Variants in BEGAIN observed in about 807,000 individuals in gnomAD.
BEGAIN encodes brain enriched guanylate kinase associated, also known as brain-enriched guanylate kinase-associated protein.
Under a neutral mutation model 35.8 loss-of-function variants are expected in BEGAIN, and 19 were observed. The observed-to-expected ratio is 0.53, with a 90% CI of 0.37 to 0.78. BEGAIN has a LOEUF of 0.78. Among genes scored for constraint, BEGAIN ranks in the 30% least tolerant of loss-of-function variants. BEGAIN has a pLI of 0.00. For missense variants in BEGAIN, 795 were observed against 853.6 expected (o/e 0.93, Z 0.85); for synonymous variants, 462 against 388.6 (o/e 1.19, Z -2.22).
chr14:100,582,578 A>G (rs2035343909), intron 1 of BEGAIN, among the ~76,000 whole-genome samples: 2 of 152,154 alleles, frequency 1.3e-5, no homozygotes, highest in South Asian at 4.1e-4. Flanking sequence ...AAGGGCAGCC[A>G]TGGTCTTGAT....
Position 100,586,282 on chromosome 14 carries a change from G to A in BEGAIN, c.42+967C>T, listed in dbSNP as rs2035442822. Among the ~76,000 whole-genome samples, 1 of 152,194 alleles carries A rather than the reference G, an allele frequency of 6.6e-6. No individual in the cohort carries two copies. Among genetic ancestry groups the A allele is most frequent in the African/African-American group, 2.4e-5 (1 of 41,460 alleles). ...AGAGAGCCAGAGCACTGGGGCCTCC[G>A]ACGGAGCCTGGCTGTGGAGACCCCG... is the stretch of plus-strand genomic sequence containing the variant. On this transcript the variant is annotated intron_variant, in intron 1 of 6. Coordinates refer to ENST00000554140, the MANE Select transcript of BEGAIN (RefSeq NM_001385089.1). This position sits in a 1 kb window ranked among gnomAD's most constrained non-coding sequence, Gnocchi z 4.9.
intron 5 of BEGAIN, among the ~76,000 whole-genome samples, chr14:100,542,305 C>T (rs1370857992): frequency 6.6e-6 from 1 of 152,262 alleles, no homozygotes; most frequent in African/African-American, 2.4e-5. Flanking sequence ...CTGCAGCCCC[C>T]TTCTCAAGTG....
intron 1 of BEGAIN, among the ~76,000 whole-genome samples, chr14:100,571,822 T>A (rs1446517664): frequency 3.3e-5 from 5 of 152,196 alleles, no homozygotes; most frequent in African/African-American, 1.2e-4. Flanking sequence ...ATCCCTGTCT[T>A]AGGGCCTTTG....
chr14:100,581,465 G>C (rs908101891), intron 1 of BEGAIN, among the ~76,000 whole-genome samples: 1 of 151,948 alleles, frequency 6.6e-6, no homozygotes, highest in Non-Finnish European at 1.5e-5. Context: ...AGGGGCTTCC[G>C]GCTCCTGGCA....
chr14:100,581,070 G>A (rs1490427103), intron 1 of BEGAIN, among the ~76,000 whole-genome samples: 1 of 152,142 alleles, frequency 6.6e-6, no homozygotes, highest in Non-Finnish European at 1.5e-5. Context: ...GCAGATCCAA[G>A]TTCAAATCCC....
rs1023931617 is a variant in BEGAIN, at chr14:100,567,246, A to G, written c.71+665T>C. Among the ~76,000 whole-genome samples, 9 of 152,178 alleles carry G rather than the reference A, an allele frequency of 5.9e-5. No homozygotes were observed. The highest frequency in any genetic ancestry group is 2.1e-4 in the South Asian group (1 of 4,816). ...TCGTGGAGGAAGTGGCAAATATTCA[A>G]ACTGGCTGATCCCAGGCCTGCCGCG... On this transcript the variant is annotated intron_variant, in intron 2 of 6. Transcript: ENST00000554140. The surrounding 1 kb of genome is among the most constrained non-coding windows in gnomAD (Gnocchi z 5.1).
chr14:100,559,881 G>A (rs887083288), intron 2 of BEGAIN, among the ~76,000 whole-genome samples: 5 of 152,238 alleles, frequency 3.3e-5, no homozygotes, highest in Admixed American at 2.6e-4. Flanking sequence ...GGGGAGGGTT[G>A]TCAGCAGCAG....
chr14:100,564,090 G>T (rs1414665885), intron 2 of BEGAIN, among the ~76,000 whole-genome samples: 1 of 150,972 alleles, frequency 6.6e-6, no homozygotes, highest in South Asian at 2.1e-4. Flanking sequence ...TGTGGGGAAG[G>T]GTCTCGGGGG....
At chr14:100,545,316 T>G in intron 3 of BEGAIN, 6 of 1,342,544 alleles carry the variant, frequency 4.5e-6, no homozygotes, top group Non-Finnish European at 5.7e-6. Context: ...CGGGACCCCC[T>G]GAAGATGGGA....
At chr14:100,540,466 G>T (rs375087284) in intron 6 of BEGAIN, 30 bp downstream of exon 6, 2 of 1,536,586 alleles carry the variant, frequency 1.3e-6, no homozygotes, top group African/African-American at 1.4e-5. Flanking sequence ...GTCCCGGGGC[G>T]GGGTGGGCCT....
In BEGAIN at chr14:100,573,757, G is replaced by A. The variant is rs544209130; in HGVS notation, c.43-5818C>T. Among the ~76,000 whole-genome samples the A allele has an allele frequency of 6.6e-6, 1 of 152,256 alleles. No individual in the cohort carries two copies. The highest frequency in any genetic ancestry group is 2.4e-5 in the African/African-American group (1 of 41,544). On this transcript the variant is annotated intron_variant, in intron 1 of 6. Coordinates refer to ENST00000554140, the MANE Select transcript of BEGAIN (RefSeq NM_001385089.1). The surrounding 1 kb of genome is among the most constrained non-coding windows in gnomAD (Gnocchi z 4.2). The stretch of plus-strand genomic sequence containing the variant: ...CCAAGGGCTGGGAAATGGGCTTGGA[G>A]TTCAGGGGAGGCTCCAGGAGATGTG...
In BEGAIN at chr14:100,568,077, C is replaced by T. The variant is rs1018108420; in HGVS notation, c.43-138G>A. On this transcript the variant is annotated intron_variant, in intron 1 of 6. Transcript: ENST00000554140. The surrounding 1 kb of genome is among the most constrained non-coding windows in gnomAD (Gnocchi z 7.5). ...GTGGGAAGCCCGGCGCCGCGCGTCCCCAGCTTCCAGTCCCGGCCGCGGCCC... is the reference window on the plus strand; with the variant it reads ...GTGGGAAGCCCGGCGCCGCGCGTCCTCAGCTTCCAGTCCCGGCCGCGGCCC... The T allele has an allele frequency of 9.2e-7, 1 of 1,081,510 alleles. No individual in the cohort carries two copies. The highest frequency in any genetic ancestry group is 4.4e-5 in the South Asian group (1 of 22,638). 67.0% of individuals were successfully genotyped at this position (1,081,510 alleles called of 1,614,324 possible).
intron 2 of BEGAIN, among the ~76,000 whole-genome samples, chr14:100,560,615 C>A (rs1461358847): frequency 6.6e-6 from 1 of 152,192 alleles, no homozygotes; most frequent in African/African-American, 2.4e-5. Flanking sequence ...AGAGAACCAG[C>A]AGTGGCTGCT....
chr14:100,571,876 G>A (rs914326338), intron 1 of BEGAIN, among the ~76,000 whole-genome samples: 3 of 152,168 alleles, frequency 2.0e-5, no homozygotes, highest in African/African-American at 7.2e-5. Flanking sequence ...GACTCTGCAC[G>A]GCCGGGGCCT....
chr14:100,564,303 G>C (rs1004712014), intron 2 of BEGAIN, among the ~76,000 whole-genome samples: 3 of 152,144 alleles, frequency 2.0e-5, no homozygotes, highest in Non-Finnish European at 4.4e-5. Context: ...ATTCTATTTT[G>C]GGGGGAAAAC....
chr14:100,546,712 A>G, intron 2 of BEGAIN, 50 bp from the exon 3 acceptor site: 3 of 1,496,388 alleles, frequency 2.0e-6, no homozygotes, highest in Non-Finnish European at 2.7e-6. Context: ...GAGCGGGGGA[A>G]ACTAAGGCCC....
intron 2 of BEGAIN, among the ~76,000 whole-genome samples, chr14:100,565,705 T>C (rs2034630994): frequency 6.6e-6 from 1 of 152,180 alleles, no homozygotes; most frequent in African/African-American, 2.4e-5. Context: ...CCGTGTGGTC[T>C]GAGGTTCCCC....
intron 2 of BEGAIN, among the ~76,000 whole-genome samples, chr14:100,557,130 C>T (rs556494156): frequency 6.7e-6 from 1 of 150,182 alleles, no homozygotes; most frequent in South Asian, 2.1e-4. Flanking sequence ...CGGGCCCTGC[C>T]GGCCTCTTCC....
intron 2 of BEGAIN, chr14:100,547,576 G>C (rs570673952): frequency 1.3e-5 from 2 of 152,542 alleles, no homozygotes; most frequent in Admixed American, 1.3e-4. Context: ...CAAGGCAGGG[G>C]CTGCACTTCC....
Sources: allele counts gnomAD v4.1 joint callset (sites outside exome capture counted in the v4.1 genomes callset), GRCh38; gene constraint gnomAD v4.1.1; non-coding constraint Gnocchi (gnomAD v3.1); transcripts MANE v1.5; gene names NCBI Gene and HGNC (gene_info 2026-07-23, HGNC 2026-07-21).